Variants in TTBK1 observed in about 807,000 individuals in gnomAD.
TTBK1 encodes tau-tubulin kinase 1.
In TTBK1, 34 loss-of-function variants were observed where a neutral mutation model predicts 108.5. The observed-to-expected ratio is 0.31, with a 90% CI of 0.24 to 0.42. The LOEUF (loss-of-function observed/expected upper bound fraction) is 0.42, where lower values mean the gene tolerates loss of function less well. Among genes scored for constraint, TTBK1 ranks in the 10% least tolerant of loss-of-function variants. The pLI is 1.00. For missense variants in TTBK1, 1,539 were observed against 1,826.0 expected (o/e 0.84, Z 2.86); for synonymous variants, 809 against 795.1 (o/e 1.02, Z -0.29).
rs151175735 is a variant in TTBK1 at position 43,281,873 on chromosome 6, G to A, written c.1987-854G>A. Among the ~76,000 whole-genome samples, 449 of 152,316 alleles carry A rather than the reference G, an allele frequency of 2.9e-3. 5 individuals carry two copies. Among genetic ancestry groups the A allele is most frequent in the African/African-American group, 0.01 (417 of 41,562 alleles). ...TGAACAGGGTGGAGCTAGAGTGAAG[G>A]AGACACAGCAGCCAAGGTCCTGACC... On this transcript the variant is annotated intron_variant, in intron 13 of 14. Transcript: ENST00000259750.
At chr6:43,264,466 G>C (rs1777625868) in intron 13 of TTBK1, among the ~76,000 whole-genome samples, 2 of 152,208 alleles carry the variant, frequency 1.3e-5, no homozygotes, top group Non-Finnish European at 2.9e-5. Context: ...TGAGGCTCAG[G>C]AGAGGGATCT....
chr6:43,249,626 G>A (rs183077059), intron 2 of TTBK1, among the ~76,000 whole-genome samples: 3 of 151,292 alleles, frequency 2.0e-5, no homozygotes, highest in South Asian at 4.2e-4. Context: ...GCCCAGGCTC[G>A]AGTGCAGTGA....
chr6:43,266,591 C>T (rs1451404583), intron 13 of TTBK1, among the ~76,000 whole-genome samples: 1 of 152,138 alleles, frequency 6.6e-6, no homozygotes, highest in African/African-American at 2.4e-5. Flanking sequence ...GAGCTCTGAG[C>T]CATTCCGTCT....
At chr6:43,250,390 C>G (rs910562792) in intron 2 of TTBK1, among the ~76,000 whole-genome samples, 1 of 114,518 alleles carries the variant, frequency 8.7e-6, no homozygotes, top group Non-Finnish European at 1.7e-5. Context: ...GAGTTTCTCT[C>G]TTGTTGCCCA....
rs189788735 is a variant in TTBK1, at chr6:43,277,511, A to G, written c.1987-5216A>G. Among the ~76,000 whole-genome samples, 25 of 152,356 alleles carry G rather than the reference A, an allele frequency of 1.6e-4. No homozygotes were observed. In the East Asian group the frequency reaches 3.5e-3, roughly 21 times the overall value. On this transcript the variant is annotated intron_variant, in intron 13 of 14. Transcript: ENST00000259750. Reference sequence around the variant, plus strand: ...GCATTCCCAAAGCCCCGGGGCATTTAGAAGACGCCCCCCACAGGCTGTCAG... The same window carrying G: ...GCATTCCCAAAGCCCCGGGGCATTTGGAAGACGCCCCCCACAGGCTGTCAG...
chr6:43,245,667 G>T (rs976967236), intron 1 of TTBK1, among the ~76,000 whole-genome samples: 3 of 151,964 alleles, frequency 2.0e-5, no homozygotes, highest in Non-Finnish European at 1.5e-5. Flanking sequence ...CCCAACCCCC[G>T]CCGTTGGGAA....
At position 43,285,295 on chromosome 6, in the gene TTBK1, A is replaced by T; in HGVS notation, c.3885A>T (p.Gly1295=). 7.7e-7 allele frequency: 1 copy of T among 1,292,932 alleles called. No individual in the cohort carries two copies. Among genetic ancestry groups the T allele is most frequent in the Non-Finnish European group, 9.8e-7 (1 of 1,024,798 alleles). The allele number at this position is 1,292,932 out of a possible 1,614,324, so 80.1% of individuals were successfully genotyped here. A position where few individuals can be genotyped will look rare whatever the true frequency, so the allele number is the denominator to read the frequency against. ...CCTCCCCCGGGGGCTCCAAGAAAGG[A>T]CCCAGAGGGAAACTCCAGGCTCAGC... ...GTPSPGGSKK[G]PRGKLQAQRA... The change falls in exon 15 of 15, where the codon GGA becomes GGT. Residue 1295 remains glycine (G), a synonymous_variant. Transcript: ENST00000259750. This position sits in a 1 kb window ranked among gnomAD's most constrained non-coding sequence, Gnocchi z 4.7.
Position 43,253,551 on chromosome 6 carries a change from C to A in TTBK1, c.331-17C>A. 6.3e-7 allele frequency: 1 copy of A among 1,598,410 alleles called. No homozygotes were observed. The highest frequency in any genetic ancestry group is 8.5e-7 in the Non-Finnish European group (1 of 1,172,178). ...TGGCTGAGGGTGAGTCTACCCCCCA[C>A]CTCCACCCCCATGCAGGGCCGGAAC... is the stretch of plus-strand genomic sequence containing the variant. On this transcript the variant is annotated splice_polypyrimidine_tract_variant and intron_variant, in intron 4 of 14. Coordinates refer to ENST00000259750, the MANE Select transcript of TTBK1 (RefSeq NM_032538.3). This position sits in a 1 kb window ranked among gnomAD's most constrained non-coding sequence, Gnocchi z 5.8.
chr6:43,246,585 C>A, intron 1 of TTBK1, 22 bp from the exon 2 acceptor site: 1 of 1,211,530 alleles, frequency 8.3e-7, no homozygotes, highest in Non-Finnish European at 1.2e-6. Context: ...CCCGCCCTCA[C>A]AGGCCCTCCT....
Position 43,263,628 on chromosome 6 carries a change from G to A in TTBK1, c.1986+278G>A, listed in dbSNP as rs949273214. Among the ~76,000 whole-genome samples, 1 of 152,222 alleles carries A rather than the reference G, an allele frequency of 6.6e-6. No individual in the cohort carries two copies. Among genetic ancestry groups the A allele is most frequent in the Non-Finnish European group, 1.5e-5 (1 of 68,034 alleles). On this transcript the variant is annotated intron_variant, in intron 13 of 14. Coordinates refer to ENST00000259750, the MANE Select transcript of TTBK1 (RefSeq NM_032538.3). The surrounding 1 kb of genome is among the most constrained non-coding windows in gnomAD (Gnocchi z 4.7). The stretch of plus-strand genomic sequence containing the variant: ...AAGGGCCTCGCAGGCCACGGGCACA[G>A]TGTTTTGCACAGGCCGGGAGGGGGC...
chr6:43,271,722 A>G (rs1777839331), intron 13 of TTBK1: 1 of 985,050 alleles, frequency 1.0e-6, no homozygotes, highest in Non-Finnish European at 1.2e-6. Flanking sequence ...GCCACTCCAT[A>G]GTCACACACT....
chr6:43,283,206 G>A lies in TTBK1; in HGVS notation c.2466G>A (p.Met822Ile), dbSNP rs1205798429. 1.9e-6 allele frequency: 3 copies of A among 1,551,856 alleles called. No homozygotes were observed. The highest frequency in any genetic ancestry group is 2.6e-6 in the Non-Finnish European group (3 of 1,148,112). ...AGGAGTCCAGGGGCCGGGCCTCCAT[G>A]GCCGATGGGGACCTGGAGCCTGAGG... ...DQKESRGRAS[M>I]ADGDLEPEEG... Residue 822 changes from methionine to isoleucine, a missense_variant, in exon 14 of 15, where the codon ATG (methionine) becomes ATA (isoleucine). Transcript: ENST00000259750. This position sits in a 1 kb window ranked among gnomAD's most constrained non-coding sequence, Gnocchi z 8.1.
At chr6:43,266,598 G>A (rs903273449) in intron 13 of TTBK1, among the ~76,000 whole-genome samples, 5 of 152,004 alleles carry the variant, frequency 3.3e-5, no homozygotes, top group Non-Finnish European at 4.4e-5. Flanking sequence ...GAGCCATTCC[G>A]TCTGAGGTCT....
chr6:43,261,473 A>G (rs28679656), intron 12 of TTBK1, among the ~76,000 whole-genome samples: 53,708 of 151,940 alleles, frequency 0.35, 9,523 homozygotes, highest in African/African-American at 0.38. Context: ...GGCTGGCATG[A>G]CCCCAAGTTG....
rs1198165986 is a variant in TTBK1 at position 43,286,502 on chromosome 6, C to T, written c.*1126C>T. 2.6e-5 allele frequency: 4 copies of T among 152,564 alleles called. No homozygotes were observed. The highest frequency in any genetic ancestry group is 5.9e-5 in the Non-Finnish European group (4 of 68,068). 9.5% of individuals were successfully genotyped at this position (152,564 alleles called of 1,614,324 possible). The stretch of plus-strand genomic sequence containing the variant: ...CTGTGGGAGGGAGGGAGGGCTGGCT[C>T]AGGCATCGTCTCCCGCAATGGGCAG... On this transcript the variant is annotated 3_prime_UTR_variant, in exon 15 of 15. Coordinates refer to ENST00000259750, the MANE Select transcript of TTBK1 (RefSeq NM_032538.3). The surrounding 1 kb of genome is among the most constrained non-coding windows in gnomAD (Gnocchi z 4.6).
At chr6:43,262,685 C>A in intron 12 of TTBK1, 104 bp from the exon 13 acceptor site, 1 of 1,168,056 alleles carries the variant, frequency 8.6e-7, no homozygotes, top group Non-Finnish European at 1.2e-6. Context: ...AGGGGTACTG[C>A]GGTCAGGAGG....
At chr6:43,284,855 C>T in intron 14 of TTBK1, 128 bp from the exon 15 acceptor site, 4 of 1,362,078 alleles carry the variant, frequency 2.9e-6, no homozygotes, top group Non-Finnish European at 3.8e-6. Flanking sequence ...CCCATCTGTG[C>T]CATGGTCTCA....
intron 1 of TTBK1, among the ~76,000 whole-genome samples, chr6:43,245,250 G>A (rs551914149): frequency 5.5e-5 from 8 of 146,418 alleles, no homozygotes; most frequent in African/African-American, 1.7e-4. Flanking sequence ...TTCCTCCCCC[G>A]ACCCGCAACC....
At chr6:43,275,008 G>T (rs1257797879) in intron 13 of TTBK1, among the ~76,000 whole-genome samples, 1 of 152,124 alleles carries the variant, frequency 6.6e-6, no homozygotes, top group African/African-American at 2.4e-5. Context: ...ACAGGCTGTG[G>T]GGGTGCGGGC....
Sources: gnomAD v4.1 joint callset for allele counts (sites outside exome capture counted in the v4.1 genomes callset) on GRCh38, gnomAD v4.1.1 for gene constraint, Gnocchi (gnomAD v3.1) non-coding constraint, MANE v1.5 for transcripts, NCBI Gene and HGNC (gene_info 2026-07-23, HGNC 2026-07-21) for gene names.